Variants in RASSF5 observed in about 807,000 individuals in gnomAD.
The protein encoded by RASSF5 is ras association domain-containing protein 5.
In RASSF5, 25 loss-of-function variants were observed where a neutral mutation model predicts 40.5. The ratio of observed to expected loss-of-function variants is 0.62; its 90% confidence interval spans 0.45 to 0.86. The LOEUF is 0.86. Among genes scored for constraint, RASSF5 ranks in the 40% least tolerant of loss-of-function variants. The pLI is 0.00. For missense variants in RASSF5, 521 were observed against 572.8 expected (o/e 0.91, Z 0.92); for synonymous variants, 246 against 252.4 (o/e 0.97, Z 0.24).
At chr1:206,575,339 CAG>C (rs142954152) in intron 2 of RASSF5, among the ~76,000 whole-genome samples, 2,212 of 152,262 alleles carry the variant, frequency 0.015, 54 homozygotes, top group African/African-American at 0.051. Flanking sequence ...TTGCTGCTGA[CAG>C]ATTTGCTAAG....
chr1:206,551,525 C>T (rs1233152709), intron 2 of RASSF5, among the ~76,000 whole-genome samples: 3 of 152,198 alleles, frequency 2.0e-5, no homozygotes, highest in African/African-American at 7.2e-5. Flanking sequence ...ACTGGACAGC[C>T]GCCCTCACAG....
At position 206,588,842 on chromosome 1, in the gene RASSF5, C is replaced by T. The variant is rs1304258442; in HGVS notation, c.*1864C>T. The T allele has an allele frequency of 6.5e-6, 1 of 152,732 alleles. No individual in the cohort carries two copies. The highest frequency in any genetic ancestry group is 2.4e-5 in the African/African-American group (1 of 41,432). The allele number at this position is 152,732 out of a possible 1,614,324, so 9.5% of individuals were successfully genotyped here. A position where few individuals can be genotyped will look rare whatever the true frequency, so the allele number is the denominator to read the frequency against. ...GAGCAGGTGGAGAGTCATTTTCCTT[C>T]GTCCTGCATGTCTCTAACATTAATA... On this transcript the variant is annotated 3_prime_UTR_variant, in exon 6 of 6. Transcript: ENST00000579436.
intron 2 of RASSF5, among the ~76,000 whole-genome samples, chr1:206,539,924 C>T (rs571390807): frequency 6.6e-5 from 10 of 152,186 alleles, no homozygotes; most frequent in Non-Finnish European, 1.5e-4. Flanking sequence ...TTTCTGATCT[C>T]CTCAGCCCTG....
rs1471836900 is a variant in RASSF5, at chr1:206,579,182, G to A, written c.580-4087G>A. Among the ~76,000 whole-genome samples the A allele has an allele frequency of 6.6e-6, 1 of 152,194 alleles. No homozygotes were observed. Among genetic ancestry groups the A allele is most frequent in the African/African-American group, 2.4e-5 (1 of 41,424 alleles). On this transcript the variant is annotated intron_variant, in intron 2 of 5. Transcript: ENST00000579436. This position sits in a 1 kb window ranked among gnomAD's most constrained non-coding sequence, Gnocchi z 4.2. ...TTCACCAGTGCCCTGGACATGCCAAGTGCATTGGGAACAGCTCAGCCATCT... is the reference window on the plus strand; with the variant it reads ...TTCACCAGTGCCCTGGACATGCCAAATGCATTGGGAACAGCTCAGCCATCT...
rs1667379644 is a variant in RASSF5, at chr1:206,535,864, G to A, written c.458-2308G>A. Reference sequence around the variant, plus strand: ...GAGAGAAATTCCTCCTCTCCCAGGTGCCTTCCCATTTGTGAGTTATGGCAG... The same window carrying A: ...GAGAGAAATTCCTCCTCTCCCAGGTACCTTCCCATTTGTGAGTTATGGCAG... On this transcript the variant is annotated intron_variant, in intron 1 of 5. Transcript: ENST00000579436. The surrounding 1 kb of genome is among the most constrained non-coding windows in gnomAD (Gnocchi z 5.0). 6.6e-6 allele frequency among the ~76,000 whole-genome samples: 1 copy of A among 152,070 alleles called. No homozygotes were observed. Among genetic ancestry groups the A allele is most frequent in the South Asian group, 2.1e-4 (1 of 4,824 alleles).
At chr1:206,569,522 G>A (rs1668382990) in intron 2 of RASSF5, among the ~76,000 whole-genome samples, 1 of 152,240 alleles carries the variant, frequency 6.6e-6, no homozygotes, top group Admixed American at 6.5e-5. Context: ...CATTAAAGGA[G>A]ATTCTCTACA....
rs190540952 is a variant in RASSF5 at position 206,566,653 on chromosome 1, G to A, written c.580-16616G>A. On this transcript the variant is annotated intron_variant, in intron 2 of 5. Transcript: ENST00000579436. ...CTGGAGCACAGTGAAGAGGCACTTG[G>A]CACCTATAATGTCGATGCTCACAAT... Among the ~76,000 whole-genome samples the A allele has an allele frequency of 3.9e-5, 6 of 152,300 alleles. No individual in the cohort carries two copies. In the East Asian group the frequency reaches 1.2e-3, roughly 29 times the overall value.
intron 2 of RASSF5, among the ~76,000 whole-genome samples, chr1:206,551,373 C>T (rs782527444): frequency 2.0e-4 from 31 of 152,222 alleles, no homozygotes; most frequent in Non-Finnish European, 4.0e-4. Flanking sequence ...GCTCCCTCCA[C>T]GTTACCCTGA....
chr1:206,529,719 G>A, intron 1 of RASSF5: 1 of 660,270 alleles, frequency 1.5e-6, no homozygotes, highest in Non-Finnish European at 2.8e-6. Context: ...GCACACTGTT[G>A]AGTTTTCTGT....
chr1:206,513,980 A>G lies in RASSF5; in HGVS notation c.457+5921A>G, dbSNP rs541694401. The stretch of plus-strand genomic sequence containing the variant: ...AGTTTTTTCTGAAGCACTCATAACT[A>G]TGCTGAGGAGACTTGGGCAGAGCCT... On this transcript the variant is annotated intron_variant, in intron 1 of 5. Coordinates refer to ENST00000579436, the MANE Select transcript of RASSF5 (RefSeq NM_182663.4). This position sits in a 1 kb window ranked among gnomAD's most constrained non-coding sequence, Gnocchi z 5.0. 1.3e-5 allele frequency among the ~76,000 whole-genome samples: 2 copies of G among 152,314 alleles called. No individual in the cohort carries two copies. Among genetic ancestry groups the G allele is most frequent in the African/African-American group, 2.4e-5 (1 of 41,578 alleles).
chr1:206,528,666 G>C (rs1553397544), intron 1 of RASSF5, among the ~76,000 whole-genome samples: 8 of 152,084 alleles, frequency 5.3e-5, no homozygotes. Context: ...GTAGGGGCAG[G>C]GGGTATAAAG....
At position 206,538,240 on chromosome 1, in the gene RASSF5, T is replaced by C; in HGVS notation, c.526T>C (p.Leu176=). The change falls in exon 2 of 6, where the codon TTA becomes CTA. Residue 176 remains leucine, a synonymous_variant. Transcript: ENST00000579436. ...IQLDCSQQEG[L]SRDRPSPEST... Reference sequence around the variant, plus strand: ...GTTGGACTGCAGTCAGCAGGAGGGTTTATCCCGGGACAGACCCTCTCCAGA... The same window carrying C: ...GTTGGACTGCAGTCAGCAGGAGGGTCTATCCCGGGACAGACCCTCTCCAGA... 6.2e-7 allele frequency: 1 copy of C among 1,614,160 alleles called. No homozygotes were observed. The highest frequency in any genetic ancestry group is 8.5e-7 in the Non-Finnish European group (1 of 1,180,012).
rs536319575 is a variant in RASSF5, at chr1:206,531,872, C to T, written c.458-6300C>T. On this transcript the variant is annotated intron_variant, in intron 1 of 5. Coordinates refer to ENST00000579436, the MANE Select transcript of RASSF5 (RefSeq NM_182663.4). This position sits in a 1 kb window ranked among gnomAD's most constrained non-coding sequence, Gnocchi z 4.7. ...CTAACATAGTGAAACCCTGTCTCTACTAAAAAAAAATAAATAAATAAATAC... is the reference window on the plus strand; with the variant it reads ...CTAACATAGTGAAACCCTGTCTCTATTAAAAAAAAATAAATAAATAAATAC... 6.2e-4 allele frequency among the ~76,000 whole-genome samples: 90 copies of T among 145,724 alleles called. No homozygotes were observed. Among genetic ancestry groups the T allele is most frequent in the African/African-American group, 2.3e-3 (86 of 36,836 alleles).
At chr1:206,570,077 CCTTTTTTTT>C (rs781841172) in intron 2 of RASSF5, among the ~76,000 whole-genome samples, 2 of 106,964 alleles carry the variant, frequency 1.9e-5, no homozygotes, top group African/African-American at 7.1e-5. Flanking sequence ...ATAAAATTTA[CCTTTTTTTT>C]TTTTTTTTTT....
At chr1:206,558,096 A>C (rs1462081960) in intron 2 of RASSF5, among the ~76,000 whole-genome samples, 1 of 152,252 alleles carries the variant, frequency 6.6e-6, no homozygotes, top group Non-Finnish European at 1.5e-5. Flanking sequence ...CAGTTGATAA[A>C]CATTCATAAA....
At chr1:206,523,372 AATATT>A (rs1244628029) in intron 1 of RASSF5, among the ~76,000 whole-genome samples, 15 of 125,974 alleles carry the variant, frequency 1.2e-4, no homozygotes, top group Non-Finnish European at 1.9e-4. Flanking sequence ...ATATAATATA[AATATT>A]ATATTATATA....
At chr1:206,537,061 C>A in intron 1 of RASSF5, among the ~76,000 whole-genome samples, 1 of 152,172 alleles carries the variant, frequency 6.6e-6, no homozygotes. Flanking sequence ...CCCTGAGTCT[C>A]CTGCTGCCTT....
intron 1 of RASSF5, among the ~76,000 whole-genome samples, chr1:206,516,748 C>T (rs1417148660): frequency 4.6e-5 from 7 of 152,194 alleles, no homozygotes; most frequent in African/African-American, 7.2e-5. Flanking sequence ...TCAGCCACCA[C>T]GCCTGGCCGT....
intron 1 of RASSF5, among the ~76,000 whole-genome samples, chr1:206,511,925 G>A (rs1294733550): frequency 6.6e-6 from 1 of 152,138 alleles, no homozygotes; most frequent in African/African-American, 2.4e-5. Flanking sequence ...TGGGACATTG[G>A]CATTGATTCT....
Sources: gnomAD v4.1 joint callset for allele counts (sites outside exome capture counted in the v4.1 genomes callset) on GRCh38, gnomAD v4.1.1 for gene constraint, Gnocchi (gnomAD v3.1) non-coding constraint, MANE v1.5 for transcripts, NCBI Gene and HGNC (gene_info 2026-07-23, HGNC 2026-07-21) for gene names.